The following CCNI2 variants were observed in gnomAD, a reference collection of about 807,000 sequenced individuals.
The protein encoded by CCNI2 is cyclin I family member 2, also known as cyclin-I2.
In CCNI2, 32 loss-of-function variants were observed where a neutral mutation model predicts 33.2. The ratio of observed to expected loss-of-function variants is 0.96; its 90% CI spans 0.73 to 1.30. CCNI2 has a LOEUF of 1.30. CCNI2 is among the 50% of genes most tolerant of loss of function. CCNI2 has a pLI of 0.00. For synonymous variants in CCNI2, 231 were observed against 219.9 expected, an observed-to-expected ratio of 1.05 and a Z score of -0.45; for missense variants, 452 against 486.2, an observed-to-expected ratio of 0.93 and a Z score of 0.66.
intron 3 of CCNI2, among the ~76,000 whole-genome samples, chr5:132,750,624 G>A (rs1754769571): frequency 6.6e-6 from 1 of 152,150 alleles, no homozygotes; most frequent in African/African-American, 2.4e-5. Flanking sequence ...CATGCAGCTG[G>A]GGGATCAAGA....
chr5:132,748,957 AG>A (rs1273491292), intron 2 of CCNI2, among the ~76,000 whole-genome samples: 1 of 152,164 alleles, frequency 6.6e-6, no homozygotes, highest in Admixed American at 6.5e-5. Flanking sequence ...GGGAAAAAAA[AG>A]CTTATTAAAA....
intron 4 of CCNI2, 34 bp from the exon 5 acceptor site, chr5:132,751,930 GTT>G: frequency 6.4e-7 from 1 of 1,569,634 alleles, no homozygotes; most frequent in Non-Finnish European, 8.7e-7. Flanking sequence ...AAAGTATGGC[GTT>G]TTCTGTTCTA....
At chr5:132,755,429 A>T (rs1443601312), downstream of CCNI2, among the ~76,000 whole-genome samples, 1 of 152,156 alleles carries the variant, frequency 6.6e-6, no homozygotes, top group Non-Finnish European at 1.5e-5. Context: ...CATTCCATTG[A>T]GATGCCAAGG....
In CCNI2 at chr5:132,747,937, G is replaced by C. The variant is rs1449321004; in HGVS notation, c.429+13G>C. 2.2e-6 allele frequency: 3 copies of C among 1,368,460 alleles called. No individual in the cohort carries two copies. Among genetic ancestry groups the C allele is most frequent in the African/African-American group, 1.5e-5 (1 of 65,300 alleles). 84.8% of individuals were successfully genotyped at this position (1,368,460 alleles called of 1,614,324 possible). On this transcript the variant is annotated intron_variant, in intron 1 of 5. Coordinates refer to ENST00000378731, the MANE Select transcript of CCNI2 (RefSeq NM_001039780.4). The surrounding 1 kb of genome is among the most constrained non-coding windows in gnomAD (Gnocchi z 4.1). ...CGGCAAACCCCAGGTACCCGTCGCT[G>C]CCGCGTGGCCCTCCTCGCGCGTGCA...
In CCNI2 at chr5:132,747,985, C is replaced by T. The variant is rs1754660779; in HGVS notation, c.429+61C>T. 1 of 1,342,204 alleles carries T rather than the reference C, an allele frequency of 7.5e-7. No individual in the cohort carries two copies. Among genetic ancestry groups the T allele is most frequent in the Non-Finnish European group, 9.6e-7 (1 of 1,045,348 alleles). 83.1% of individuals were successfully genotyped at this position (1,342,204 alleles called of 1,614,324 possible). A position where few individuals can be genotyped will look rare whatever the true frequency, so the allele number is the denominator to read the frequency against. ...GCACGGCAGGCGGATGTGGCCTCCACCTGCACCCGCGCTCGGGTGTTCTGA... is the reference window on the plus strand; with the variant it reads ...GCACGGCAGGCGGATGTGGCCTCCATCTGCACCCGCGCTCGGGTGTTCTGA... On this transcript the variant is annotated intron_variant, in intron 1 of 5. Coordinates refer to ENST00000378731, the MANE Select transcript of CCNI2 (RefSeq NM_001039780.4). The surrounding 1 kb of genome is among the most constrained non-coding windows in gnomAD (Gnocchi z 4.1).
chr5:132,753,129 A>AG lies in CCNI2; in HGVS notation c.*159_*160insG, dbSNP rs1202366425. The AG allele has an allele frequency of 3.2e-6, 2 of 633,188 alleles. No homozygotes were observed. The highest frequency in any genetic ancestry group is 2.8e-5 in the Admixed American group (1 of 36,006). The allele number at this position is 633,188 out of a possible 1,614,324, so 39.2% of individuals were successfully genotyped here. Reference sequence around the variant, plus strand: ...TCCCAACTGAGCCCTTGGAAAAAAAATAAAGGGGAGAGGGGAAAGGCAGGC... The same window carrying AG: ...TCCCAACTGAGCCCTTGGAAAAAAAAGTAAAGGGGAGAGGGGAAAGGCAGGC... On this transcript the variant is annotated 3_prime_UTR_variant, in exon 6 of 6. Transcript: ENST00000378731.
rs1754780576 is a variant in CCNI2 at position 132,750,840 on chromosome 5, T to C, written c.634-17T>C. The C allele has an allele frequency of 2.5e-6, 4 of 1,612,142 alleles. No homozygotes were observed. The highest frequency in any genetic ancestry group is 3.4e-6 in the Non-Finnish European group (4 of 1,179,502). On this transcript the variant is annotated splice_polypyrimidine_tract_variant and intron_variant, in intron 3 of 5. Transcript: ENST00000378731. ...GACATGATGTAGGGCTTTGGCCTCT[T>C]TATTTTCTTTTTACAGTTTATTCCA...
intron 5 of CCNI2, among the ~76,000 whole-genome samples, chr5:132,752,404 C>T (rs1041848052): frequency 3.3e-5 from 5 of 152,156 alleles, no homozygotes; most frequent in African/African-American, 4.8e-5. Context: ...TTCACTGGAC[C>T]AATGGGGGTG....
At position 132,749,373 on chromosome 5, in the gene CCNI2, C is replaced by T; in HGVS notation, c.584C>T (p.Ala195Val). 1 of 1,614,114 alleles carries T rather than the reference C, an allele frequency of 6.2e-7. No individual in the cohort carries two copies. Among genetic ancestry groups the T allele is most frequent in the South Asian group, 1.1e-5 (1 of 91,080 alleles). The change falls in exon 3 of 6, where the codon GCC becomes GTC. Residue 195 changes from alanine (A) to valine (V), a missense_variant. By Grantham distance (64) the Ala-to-Val change is moderately conservative. Coordinates refer to ENST00000378731, the MANE Select transcript of CCNI2 (RefSeq NM_001039780.4). ...VKVKEKYLHC[A>V]TITSLRLAAK... ...GTAAAAGAGAAATACCTGCATTGCG[C>T]CACAATTACTTCCTTGAGGCTCGCT... is the stretch of plus-strand genomic sequence containing the variant.
rs766498726 is a variant in CCNI2, at chr5:132,749,345, C to T, written c.559-3C>T. 3 of 1,611,368 alleles carry T rather than the reference C, an allele frequency of 1.9e-6. No individual in the cohort carries two copies. Among genetic ancestry groups the T allele is most frequent in the Non-Finnish European group, 2.5e-6 (3 of 1,177,628 alleles). Reference sequence around the variant, plus strand: ...GCTCAAATGTGTTTGTTCCATACTGCAGGTAAAAGAGAAATACCTGCATTG... The same window carrying T: ...GCTCAAATGTGTTTGTTCCATACTGTAGGTAAAAGAGAAATACCTGCATTG... On this transcript the variant is annotated splice_region_variant and splice_polypyrimidine_tract_variant and intron_variant, in intron 2 of 5. Coordinates refer to ENST00000378731, the MANE Select transcript of CCNI2 (RefSeq NM_001039780.4).
chr5:132,750,698 C>T (rs1051166547), intron 3 of CCNI2, 159 bp from the exon 4 acceptor site: 3 of 684,422 alleles, frequency 4.4e-6, no homozygotes, highest in Admixed American at 6.0e-5. Context: ...TGACAGATAG[C>T]CAAGATCTGG....
At chr5:132,754,419 T>G (rs1439298037), downstream of CCNI2, 1 of 717,496 alleles carries the variant, frequency 1.4e-6, no homozygotes, top group Non-Finnish European at 2.6e-6. Context: ...CATACCAGTT[T>G]AGGCATCCCA....
chr5:132,747,800 G>T lies in CCNI2; in HGVS notation c.305G>T (p.Arg102Leu), dbSNP rs1306559210. 5.4e-6 allele frequency: 8 copies of T among 1,478,310 alleles called. No homozygotes were observed. The highest frequency in any genetic ancestry group is 1.5e-5 in the African/African-American group (1 of 68,352). The allele number at this position is 1,478,310 out of a possible 1,614,324, so 91.6% of individuals were successfully genotyped here. ...VPAAAPEQAPRPAPQSRKPRN... is the reference protein window; with the variant it reads ...VPAAAPEQAPLPAPQSRKPRN... ...GCCGCCGCCCCAGAGCAAGCTCCGC[G>T]GCCGGCTCCACAGTCCCGCAAGCCG... Residue 102 changes from arginine (R) to leucine (L), a missense_variant, in exon 1 of 6, where the codon CGG (arginine) becomes CTG (leucine). By Grantham distance (102) the Arg-to-Leu change is moderately radical. Coordinates refer to ENST00000378731, the MANE Select transcript of CCNI2 (RefSeq NM_001039780.4). This position sits in a 1 kb window ranked among gnomAD's most constrained non-coding sequence, Gnocchi z 4.1.
At position 132,748,478 on chromosome 5, in the gene CCNI2, AG is replaced by A; in HGVS notation, c.558+6del. The A allele has an allele frequency of 6.2e-7, 1 of 1,613,908 alleles. No homozygotes were observed. Among genetic ancestry groups the A allele is most frequent in the East Asian group, 2.2e-5 (1 of 44,860 alleles). ...GCCGCCTCCTGATTTCAGTGAAGGT[AG>A]GGAGGCCTCTGAGGGACGGTGGCAG... is the stretch of plus-strand genomic sequence containing the variant. On this transcript the variant is annotated splice_donor_region_variant and intron_variant, in intron 2 of 5. Transcript: ENST00000378731.
rs1754643491 is a variant in CCNI2 at position 132,747,585 on chromosome 5, G to A, written c.90G>A (p.Leu30=). 1.3e-6 allele frequency: 2 copies of A among 1,497,158 alleles called. No homozygotes were observed. Among genetic ancestry groups the A allele is most frequent in the Non-Finnish European group, 1.8e-6 (2 of 1,129,530 alleles). The allele number at this position is 1,497,158 out of a possible 1,614,324, so 92.7% of individuals were successfully genotyped here. A position where few individuals can be genotyped will look rare whatever the true frequency, so the allele number is the denominator to read the frequency against. The change falls in exon 1 of 6, where the codon CTG becomes CTA. Residue 30 remains leucine (L), a synonymous_variant. Coordinates refer to ENST00000378731, the MANE Select transcript of CCNI2 (RefSeq NM_001039780.4). The surrounding 1 kb of genome is among the most constrained non-coding windows in gnomAD (Gnocchi z 4.1). The part of the protein sequence containing the change: ...QSPGGRPGAG[L]EETALGVPLP... ...CAGGCGGGCGTCCCGGCGCCGGTCT[G>A]GAGGAAACAGCCCTGGGCGTTCCTC...
chr5:132,750,187 G>T (rs1317120797), intron 3 of CCNI2, among the ~76,000 whole-genome samples: 1 of 152,182 alleles, frequency 6.6e-6, no homozygotes, highest in African/African-American at 2.4e-5. Context: ...AGTTGCTTTT[G>T]TCCAACTAAA....
rs775561161 is a variant in CCNI2 at position 132,747,660 on chromosome 5, G to A, written c.165G>A (p.Arg55=). ...EAPLPRSNRS[R]CPGTRQPGAA... ...CTCTGCCCCGAAGCAACCGGAGCAG[G>A]TGCCCTGGGACCCGCCAGCCCGGAG... Residue 55 remains arginine (R), a synonymous_variant, in exon 1 of 6, where the codon AGG becomes AGA. Transcript: ENST00000378731. The surrounding 1 kb of genome is among the most constrained non-coding windows in gnomAD (Gnocchi z 4.1). The A allele has an allele frequency of 3.3e-6, 5 of 1,503,104 alleles. No homozygotes were observed. In the South Asian group the frequency reaches 3.7e-5, roughly 11 times the overall value. The allele number at this position is 1,503,104 out of a possible 1,614,324, so 93.1% of individuals were successfully genotyped here. A position where few individuals can be genotyped will look rare whatever the true frequency, so the allele number is the denominator to read the frequency against.
Position 132,752,885 on chromosome 5 carries a change from G to T in CCNI2, c.1025G>T (p.Ser342Ile), listed in dbSNP as rs113053342. The T allele has an allele frequency of 1.5e-5, 24 of 1,613,900 alleles. No homozygotes were observed. In the African/African-American group the frequency reaches 2.9e-4, roughly 20 times the overall value. ...KKAQVGDMQY[S>I]CCKELVMQQL... ...ATACAGGTTGGTGATATGCAGTACAGCTGCTGCAAGGAACTTGTAATGCAG... is the reference window on the plus strand; with the variant it reads ...ATACAGGTTGGTGATATGCAGTACATCTGCTGCAAGGAACTTGTAATGCAG... The change falls in exon 6 of 6, where the codon AGC becomes ATC. Residue 342 changes from serine (S) to isoleucine (I), a missense_variant. Physicochemically the swap from Ser to Ile is moderately radical, Grantham distance 142 (BLOSUM62 -2). Coordinates refer to ENST00000378731, the MANE Select transcript of CCNI2 (RefSeq NM_001039780.4).
Position 132,748,435 on chromosome 5 carries a change from T to C in CCNI2, c.518T>C (p.Leu173Pro). 1 of 1,614,160 alleles carries C rather than the reference T, an allele frequency of 6.2e-7. No individual in the cohort carries two copies. The highest frequency in any genetic ancestry group is 8.5e-7 in the Non-Finnish European group (1 of 1,180,006). The change falls in exon 2 of 6, where the codon CTG (leucine) becomes CCG (proline). Residue 173 changes from leucine (L) to proline (P), a missense_variant. By Grantham distance (98) the Leu-to-Pro change is moderately conservative. Transcript: ENST00000378731. Reference protein sequence around the residue: ...TFYFSQSTFNLALTIFGRLLI... With the variant: ...TFYFSQSTFNPALTIFGRLLI... ...TACTTCTCCCAGTCCACTTTTAACC[T>C]GGCCCTCACCATCTTTGGCCGCCTC...
Sources: allele counts gnomAD v4.1 joint callset (sites outside exome capture counted in the v4.1 genomes callset), GRCh38; gene constraint gnomAD v4.1.1; non-coding constraint Gnocchi (gnomAD v3.1); transcripts MANE v1.5; gene names NCBI Gene and HGNC (gene_info 2026-07-23, HGNC 2026-07-21).